CDADC1: variants seen among roughly 807,000 people sequenced by gnomAD.
CDADC1 encodes cytidine and dCMP deaminase domain containing 1.
Under a neutral mutation model 54.9 loss-of-function variants are expected in CDADC1, and 39 were observed. That is an observed-to-expected ratio of 0.71 (90% CI 0.55 to 0.93). The LOEUF (loss-of-function observed/expected upper bound fraction) is 0.93, where lower values mean the gene tolerates loss of function less well. Ranked by LOEUF, CDADC1 falls within the 40% of genes least tolerant of loss-of-function variation. CDADC1 has a pLI of 0.00. For synonymous variants in CDADC1, 186 were observed against 204.0 expected, an observed-to-expected ratio of 0.91 and a Z score of 0.75; for missense variants, 518 against 618.8, an observed-to-expected ratio of 0.84 and a Z score of 1.73.
chr13:49,250,576 T>C (rs973175746), intron 2 of CDADC1, among the ~76,000 whole-genome samples: 5 of 152,194 alleles, frequency 3.3e-5, no homozygotes, highest in South Asian at 2.1e-4. Flanking sequence ...ATGAGAGAAT[T>C]TGTGGTCCTC....
At chr13:49,251,041 T>G (rs945258572) in intron 2 of CDADC1, among the ~76,000 whole-genome samples, 5 of 152,194 alleles carry the variant, frequency 3.3e-5, no homozygotes, top group Non-Finnish European at 5.9e-5. Flanking sequence ...TGTTGTGTTT[T>G]TTTTGTTTTG....
At chr13:49,286,148 T>C in intron 8 of CDADC1, 74 bp from the exon 9 acceptor site, 1 of 1,227,212 alleles carries the variant, frequency 8.1e-7, no homozygotes, top group Non-Finnish European at 1.2e-6. Flanking sequence ...TGTTTTGATA[T>C]TTAAAATCAA....
At chr13:49,284,295 C>T (rs1010555710) in intron 8 of CDADC1, among the ~76,000 whole-genome samples, 42 of 152,230 alleles carry the variant, frequency 2.8e-4, no homozygotes, top group African/African-American at 7.5e-4. Context: ...TAAAAAAGAA[C>T]GTGTATTATC....
Position 49,280,676 on chromosome 13 carries a change from T to C in CDADC1, c.1388T>C (p.Leu463Pro), listed in dbSNP as rs768016492. 1 of 1,579,802 alleles carries C rather than the reference T, an allele frequency of 6.3e-7. No homozygotes were observed. The highest frequency in any genetic ancestry group is 8.6e-7 in the Non-Finnish European group (1 of 1,166,696). Residue 463 changes from leucine to proline, a missense_variant, in exon 8 of 10, where the codon CTT becomes CCT. Coordinates refer to ENST00000251108, the MANE Select transcript of CDADC1 (RefSeq NM_030911.4). ...ADISYMRFGE[L>P]EGVSKFTWQL... ...ATCTCTTACATGAGGTTCGGGGAGC[T>C]TGAAGGTGTTAGCAAATTTACGGTA...
intron 4 of CDADC1, among the ~76,000 whole-genome samples, chr13:49,261,551 A>G (rs1309282193): frequency 6.6e-6 from 1 of 152,204 alleles, no homozygotes; most frequent in Non-Finnish European, 1.5e-5. Context: ...TATTGCTGTT[A>G]TTGAATTGGA....
chr13:49,284,532 TTGTC>T (rs1953450071), intron 8 of CDADC1, among the ~76,000 whole-genome samples: 1 of 152,256 alleles, frequency 6.6e-6, no homozygotes, highest in African/African-American at 2.4e-5. Flanking sequence ...TGTTTTTACT[TTGTC>T]TGCCCAAATT....
At chr13:49,260,737 C>CA (rs201220019) in intron 4 of CDADC1, among the ~76,000 whole-genome samples, 19 of 151,766 alleles carry the variant, frequency 1.3e-4, no homozygotes, top group East Asian at 3.9e-4. Context: ...GATCAAAAAA[C>CA]AAAAAAAACT....
chr13:49,291,587 TTAAGCA>T, intron 9 of CDADC1, 91 bp from the exon 10 acceptor site: 1 of 1,053,076 alleles, frequency 9.5e-7, no homozygotes, highest in Non-Finnish European at 1.3e-6. Flanking sequence ...TTCCTTTAAC[TTAAGCA>T]TTGTTTTGCT....
At chr13:49,266,668 A>C (rs1952823596) in intron 4 of CDADC1, among the ~76,000 whole-genome samples, 1 of 151,938 alleles carries the variant, frequency 6.6e-6, no homozygotes, top group African/African-American at 2.4e-5. Context: ...CCATTCCCCT[A>C]TTTTGGTCAT....
intron 2 of CDADC1, among the ~76,000 whole-genome samples, chr13:49,255,285 T>C (rs184709468): frequency 1.4e-3 from 213 of 152,310 alleles, no homozygotes; most frequent in Non-Finnish European, 2.2e-3. Context: ...GCCAATCAGA[T>C]AATCAAGGAT....
Position 49,260,108 on chromosome 13 carries a change from A to C in CDADC1, c.430+585A>C, listed in dbSNP as rs562122851. Among the ~76,000 whole-genome samples, 4 of 152,242 alleles carry C rather than the reference A, an allele frequency of 2.6e-5. No homozygotes were observed. In the South Asian group the frequency reaches 8.3e-4, roughly 32 times the overall value. ...GACCCTGTCTCTAAAAAATAAAATA[A>C]AAAATATGTAAATATATATCTGAAG... On this transcript the variant is annotated intron_variant, in intron 4 of 9. Transcript: ENST00000251108.
chr13:49,292,713 T>C lies in CDADC1; in HGVS notation c.*956T>C. The C allele has an allele frequency of 1.6e-6, 2 of 1,264,382 alleles. No homozygotes were observed. The highest frequency in any genetic ancestry group is 2.0e-6 in the Non-Finnish European group (2 of 978,428). 78.3% of individuals were successfully genotyped at this position (1,264,382 alleles called of 1,614,324 possible). A position where few individuals can be genotyped will look rare whatever the true frequency, so the allele number is the denominator to read the frequency against. On this transcript the variant is annotated 3_prime_UTR_variant, in exon 10 of 10. Coordinates refer to ENST00000251108, the MANE Select transcript of CDADC1 (RefSeq NM_030911.4). ...TGCTGTCTGTGATTTCTCACATTTT[T>C]ATTTGCTGAGAAACATTCAGAAAAT...
At chr13:49,274,374 C>T (rs375692697) in intron 6 of CDADC1, 34 bp downstream of exon 6, 5 of 1,567,298 alleles carry the variant, frequency 3.2e-6, no homozygotes, top group Non-Finnish European at 3.5e-6. Flanking sequence ...AATATTTAAC[C>T]TGGATTTTGT....
Position 49,259,336 on chromosome 13 carries a change from C to A in CDADC1, c.253-10C>A. 1.3e-6 allele frequency: 2 copies of A among 1,578,220 alleles called. No individual in the cohort carries two copies. The highest frequency in any genetic ancestry group is 8.7e-7 in the Non-Finnish European group (1 of 1,155,340). ...TAACTAATAAGTTGTTATTTTATAT[C>A]TTAATGTAGGTAAAGAGAACTGGTC... On this transcript the variant is annotated splice_polypyrimidine_tract_variant and intron_variant, in intron 3 of 9. Transcript: ENST00000251108.
At chr13:49,263,290 T>G (rs1952728317) in intron 4 of CDADC1, among the ~76,000 whole-genome samples, 1 of 152,224 alleles carries the variant, frequency 6.6e-6, no homozygotes, top group African/African-American at 2.4e-5. Context: ...AAAACTCATA[T>G]TCTCTATTAT....
At chr13:49,261,602 A>G (rs1439538127) in intron 4 of CDADC1, among the ~76,000 whole-genome samples, 2 of 152,244 alleles carry the variant, frequency 1.3e-5, no homozygotes, top group African/African-American at 2.4e-5. Flanking sequence ...TTAGTAGACT[A>G]TTGCATTAGG....
intron 9 of CDADC1, among the ~76,000 whole-genome samples, chr13:49,286,536 T>C (rs1953519330): frequency 6.6e-6 from 1 of 152,184 alleles, no homozygotes; most frequent in Non-Finnish European, 1.5e-5. Context: ...ATTGACTTTA[T>C]AAATTAAATG....
rs202200964 is a variant in CDADC1 at position 49,291,722 on chromosome 13, C to T, written c.1510C>T (p.His504Tyr). Reference sequence around the variant, plus strand: ...ACCTGTCCCACAGAAGGAAGAGCAGCACCAGGACAAGAAGCTGCGCCTCGG... The same window carrying T: ...ACCTGTCCCACAGAAGGAAGAGCAGTACCAGGACAAGAAGCTGCGCCTCGG... ...LRPVPQKEEQ[H>Y]QDKKLRLGIH is the part of the protein sequence containing the mutation. The change falls in exon 10 of 10, where the codon CAC (histidine) becomes TAC (tyrosine). Residue 504 changes from histidine (H) to tyrosine (Y), a missense_variant. Coordinates refer to ENST00000251108, the MANE Select transcript of CDADC1 (RefSeq NM_030911.4). 168 of 1,614,004 alleles carry T rather than the reference C, an allele frequency of 1.0e-4. No individual in the cohort carries two copies. Among genetic ancestry groups the T allele is most frequent in the Non-Finnish European group, 1.3e-4 (156 of 1,180,008 alleles).
Position 49,292,687 on chromosome 13 carries a change from T to C in CDADC1, c.*930T>C. On this transcript the variant is annotated 3_prime_UTR_variant, in exon 10 of 10. Transcript: ENST00000251108. Reference sequence around the variant, plus strand: ...GTATGGTCATTTCAGCTATTCCAGATTGCTGTCTGTGATTTCTCACATTTT... The same window carrying C: ...GTATGGTCATTTCAGCTATTCCAGACTGCTGTCTGTGATTTCTCACATTTT... 8.0e-7 allele frequency: 1 copy of C among 1,250,898 alleles called. No individual in the cohort carries two copies. Among genetic ancestry groups the C allele is most frequent in the Non-Finnish European group, 1.0e-6 (1 of 972,936 alleles). The allele number at this position is 1,250,898 out of a possible 1,614,324, so 77.5% of individuals were successfully genotyped here. A position where few individuals can be genotyped will look rare whatever the true frequency, so the allele number is the denominator to read the frequency against.
Sources: gnomAD v4.1 joint callset for allele counts (sites outside exome capture counted in the v4.1 genomes callset) on GRCh38, gnomAD v4.1.1 for gene constraint, MANE v1.5 for transcripts, NCBI Gene and HGNC (gene_info 2026-07-23, HGNC 2026-07-21) for gene names.